The following LIN28B variants were observed in gnomAD, a reference collection of about 807,000 sequenced individuals.
LIN28B encodes protein lin-28 homolog B.
Under a neutral mutation model 21.9 loss-of-function variants are expected in LIN28B, and 5 were observed. The observed-to-expected ratio is 0.23, with a 90% CI of 0.12 to 0.48. The LOEUF (loss-of-function observed/expected upper bound fraction) is 0.48. LIN28B is among the 20% of genes least tolerant of loss of function. The pLI is 0.98. For synonymous variants in LIN28B, 109 were observed against 111.3 expected, an observed-to-expected ratio of 0.98 and a Z score of 0.13; for missense variants, 245 against 310.5, an observed-to-expected ratio of 0.79 and a Z score of 1.58.
intron 3 of LIN28B, among the ~76,000 whole-genome samples, chr6:105,056,241 GCTT>G (rs1772020523): frequency 7.1e-6 from 1 of 141,338 alleles, no homozygotes; most frequent in Admixed American, 7.6e-5. Context: ...ACTTTTTCCT[GCTT>G]CTTTTCATGC....
At chr6:104,988,594 A>T in intron 2 of LIN28B, among the ~76,000 whole-genome samples, 1 of 134,882 alleles carries the variant, frequency 7.4e-6, no homozygotes, top group African/African-American at 2.7e-5. Context: ...TTTTTCTGAG[A>T]CAGAGTCTAC....
At chr6:105,011,883 G>C (rs547629437) in intron 2 of LIN28B, among the ~76,000 whole-genome samples, 3 of 150,514 alleles carry the variant, frequency 2.0e-5, no homozygotes, top group Non-Finnish European at 4.4e-5. Context: ...CTGCCGGCCA[G>C]GTGTGGTGTC....
chr6:105,069,924 T>G (rs973604515), intron 3 of LIN28B, among the ~76,000 whole-genome samples: 2 of 152,042 alleles, frequency 1.3e-5, no homozygotes, highest in Non-Finnish European at 2.9e-5. Context: ...ATAAGAGATA[T>G]ATACACACAC....
intron 2 of LIN28B, among the ~76,000 whole-genome samples, chr6:105,010,567 GT>G (rs1562091586): frequency 6.6e-6 from 1 of 151,992 alleles, no homozygotes; most frequent in Non-Finnish European, 1.5e-5. Context: ...TGCAATTATC[GT>G]TTTTGTATAC....
chr6:104,959,656 C>T (rs1165439087), intron 2 of LIN28B, among the ~76,000 whole-genome samples: 2 of 152,172 alleles, frequency 1.3e-5, no homozygotes, highest in South Asian at 2.1e-4. Context: ...TACAAGTCCA[C>T]ATACAGACTA....
chr6:104,991,422 G>A (rs1343092174), intron 2 of LIN28B, among the ~76,000 whole-genome samples: 1 of 149,926 alleles, frequency 6.7e-6, no homozygotes, highest in African/African-American at 2.5e-5. Context: ...ACGGGGCGGC[G>A]GGGCAGAGGT....
chr6:105,074,176 A>G (rs939310428), intron 3 of LIN28B, among the ~76,000 whole-genome samples: 1 of 152,122 alleles, frequency 6.6e-6, no homozygotes, highest in Non-Finnish European at 1.5e-5. Context: ...TATTCTATCC[A>G]TTGTTGCCAT....
At chr6:105,016,906 C>CA (rs1474530231) in intron 2 of LIN28B, among the ~76,000 whole-genome samples, 17 of 148,900 alleles carry the variant, frequency 1.1e-4, no homozygotes, top group East Asian at 2.0e-4. Flanking sequence ...AAAATCAAAA[C>CA]AAAAAAACAA....
At chr6:105,011,061 G>A (rs137993812) in intron 2 of LIN28B, among the ~76,000 whole-genome samples, 68 of 152,242 alleles carry the variant, frequency 4.5e-4, no homozygotes, top group African/African-American at 1.6e-3. Flanking sequence ...GAGTGAAGCC[G>A]ACTCTCCTTT....
intron 2 of LIN28B, among the ~76,000 whole-genome samples, chr6:104,985,325 G>T (rs1250391909): frequency 6.6e-6 from 1 of 152,122 alleles, no homozygotes; most frequent in Non-Finnish European, 1.5e-5. Context: ...GTTTGATGAG[G>T]AGTGGAAAGT....
chr6:104,986,455 CA>C (rs1770345987), intron 2 of LIN28B, among the ~76,000 whole-genome samples: 1 of 151,304 alleles, frequency 6.6e-6, no homozygotes, highest in Admixed American at 6.6e-5. Context: ...TCTCCAATCT[CA>C]TTTTTTTCCC....
At chr6:105,015,702 G>A (rs1347026849) in intron 2 of LIN28B, among the ~76,000 whole-genome samples, 3 of 152,136 alleles carry the variant, frequency 2.0e-5, no homozygotes, top group Non-Finnish European at 4.4e-5. Context: ...GCATTTTTAA[G>A]TGGTTGAGGA....
chr6:105,071,227 A>G (rs563339452), intron 3 of LIN28B, among the ~76,000 whole-genome samples: 1 of 152,178 alleles, frequency 6.6e-6, no homozygotes, highest in Non-Finnish European at 1.5e-5. Flanking sequence ...AATCATGTCT[A>G]ATGTCTTTGA....
At chr6:104,956,895 G>A (rs1778298008), upstream of LIN28B, among the ~76,000 whole-genome samples, 2 of 152,154 alleles carry the variant, frequency 1.3e-5, no homozygotes, top group Non-Finnish European at 2.9e-5. Flanking sequence ...CTAAAGAAGC[G>A]TTCCAAATTG....
intron 3 of LIN28B, among the ~76,000 whole-genome samples, chr6:105,071,407 TTTAA>T (rs1772331154): frequency 6.6e-6 from 1 of 152,144 alleles, no homozygotes; most frequent in South Asian, 2.1e-4. Flanking sequence ...TATATGTGGC[TTTAA>T]TTTATTTTTC....
chr6:105,076,634 A>G (rs1363589663), intron 3 of LIN28B, among the ~76,000 whole-genome samples: 4 of 151,964 alleles, frequency 2.6e-5, no homozygotes, highest in Non-Finnish European at 5.9e-5. Flanking sequence ...TTGGAGATGG[A>G]GTCTCACTCT....
chr6:105,037,684 AT>A (rs569731645), intron 3 of LIN28B, among the ~76,000 whole-genome samples: 3,471 of 149,134 alleles, frequency 0.023, 141 homozygotes, highest in African/African-American at 0.082. Context: ...TAATTTTTGT[AT>A]TTTTTTTTAG....
At chr6:104,974,849 T>A (rs918654968) in intron 2 of LIN28B, among the ~76,000 whole-genome samples, 6 of 152,088 alleles carry the variant, frequency 3.9e-5, no homozygotes, top group Non-Finnish European at 8.8e-5. Flanking sequence ...AGATGGAGTC[T>A]CACTCTGTTG....
chr6:105,006,690 A>T (rs1177098017), intron 2 of LIN28B, among the ~76,000 whole-genome samples: 1 of 152,112 alleles, frequency 6.6e-6, no homozygotes, highest in Non-Finnish European at 1.5e-5. Context: ...CTTGCACTAC[A>T]TGTTCAGTGT....
Sources: gnomAD v4.1 joint callset for allele counts (sites outside exome capture counted in the v4.1 genomes callset) on GRCh38, gnomAD v4.1.1 for gene constraint, MANE v1.5 for transcripts, NCBI Gene and HGNC (gene_info 2026-07-23, HGNC 2026-07-21) for gene names.